SNX24: variants seen among roughly 807,000 people sequenced by gnomAD.
SNX24 encodes the protein sorting nexin 24, also known as sorting nexin-24.
In SNX24, 22 loss-of-function variants were observed where a neutral mutation model predicts 28.7. The observed-to-expected ratio is 0.77, with a 90% CI of 0.55 to 1.10. The LOEUF (loss-of-function observed/expected upper bound fraction) is 1.10, where lower values mean the gene tolerates loss of function less well. Ranked by LOEUF, SNX24 falls within the 50% of genes least tolerant of loss-of-function variation. SNX24 has a pLI of 0.00. For missense variants in SNX24, 221 were observed against 201.1 expected (o/e 1.10, Z -0.60); for synonymous variants, 69 against 71.5 (o/e 0.96, Z 0.18).
chr5:123,005,594 TA>T (rs1762396153), intron 6 of SNX24, among the ~76,000 whole-genome samples: 1 of 152,242 alleles, frequency 6.6e-6, no homozygotes, highest in Non-Finnish European at 1.5e-5. Context: ...TTAAGCTAAA[TA>T]TACTTACAAT....
At chr5:122,846,509 G>T (rs1388220503) in intron 1 of SNX24, among the ~76,000 whole-genome samples, 2 of 152,198 alleles carry the variant, frequency 1.3e-5, no homozygotes, top group South Asian at 4.1e-4. Flanking sequence ...AAGAAAGATT[G>T]CAGGGCAGTC....
chr5:122,887,939 T>A (rs1756787830), intron 1 of SNX24, among the ~76,000 whole-genome samples: 1 of 152,198 alleles, frequency 6.6e-6, no homozygotes, highest in South Asian at 2.1e-4. Context: ...TGACCTCAGG[T>A]GATCCACTGG....
chr5:122,859,258 C>T (rs1755342927), intron 1 of SNX24, among the ~76,000 whole-genome samples: 1 of 151,738 alleles, frequency 6.6e-6, no homozygotes, highest in South Asian at 2.1e-4. Context: ...CAGACTTGAG[C>T]CCAGGAGTTG....
At chr5:122,991,490 C>T (rs541428421) in intron 3 of SNX24, among the ~76,000 whole-genome samples, 10 of 152,258 alleles carry the variant, frequency 6.6e-5, no homozygotes, top group South Asian at 2.1e-4. Context: ...GACAGAGTCT[C>T]GCTCTGTCGC....
At chr5:122,938,209 G>T (rs375712267) in intron 2 of SNX24, among the ~76,000 whole-genome samples, 1 of 152,124 alleles carries the variant, frequency 6.6e-6, no homozygotes, top group East Asian at 1.9e-4. Context: ...TTCTGGAGGC[G>T]AGGCTTGTTC....
At chr5:122,852,998 T>G (rs930128994) in intron 1 of SNX24, among the ~76,000 whole-genome samples, 3 of 152,048 alleles carry the variant, frequency 2.0e-5, no homozygotes, top group African/African-American at 4.8e-5. Flanking sequence ...AGGAGGCCAT[T>G]GTGTAACAAG....
intron 3 of SNX24, among the ~76,000 whole-genome samples, chr5:122,962,382 A>G (rs1039590582): frequency 2.0e-5 from 3 of 152,246 alleles, no homozygotes; most frequent in African/African-American, 7.2e-5. Flanking sequence ...AAAATATGGT[A>G]TATACTTTAA....
At chr5:122,979,522 C>T (rs1051223226) in intron 3 of SNX24, among the ~76,000 whole-genome samples, 2 of 152,082 alleles carry the variant, frequency 1.3e-5, no homozygotes, top group Non-Finnish European at 2.9e-5. Flanking sequence ...ACCGTGCATA[C>T]CTACTTAAAT....
chr5:122,951,795 G>T (rs973267775), intron 3 of SNX24, among the ~76,000 whole-genome samples: 4 of 152,210 alleles, frequency 2.6e-5, no homozygotes, highest in African/African-American at 9.7e-5. Flanking sequence ...CAGTCCTGTG[G>T]GTCTGTTGTG....
intron 1 of SNX24, among the ~76,000 whole-genome samples, chr5:122,913,279 A>C: frequency 6.6e-6 from 1 of 151,968 alleles, no homozygotes; most frequent in Non-Finnish European, 1.5e-5. Context: ...CTCACTTCCC[A>C]GTAGGGGCGG....
Position 122,963,279 on chromosome 5 carries a change from GT to G in SNX24, c.249+17123del, listed in dbSNP as rs1242163419. 1.1e-3 allele frequency among the ~76,000 whole-genome samples: 170 copies of G among 152,284 alleles called. 2 individuals are homozygous for G. The highest frequency in any genetic ancestry group is 1.6e-4 in the Non-Finnish European group (11 of 68,026). ...ATTCTCCTCTAGAGCTGGCCATGCTGTTTGGCGGCTCACAGCTGCATGCTGC... is the reference window on the plus strand; with the variant it reads ...ATTCTCCTCTAGAGCTGGCCATGCTGTTGGCGGCTCACAGCTGCATGCTGC... On this transcript the variant is annotated intron_variant, in intron 3 of 6. Transcript: ENST00000261369.
At chr5:122,904,796 T>C (rs1050663706) in intron 1 of SNX24, among the ~76,000 whole-genome samples, 1 of 152,202 alleles carries the variant, frequency 6.6e-6, no homozygotes, top group African/African-American at 2.4e-5. Context: ...CTGAGATTAA[T>C]TGTTCTTTTG....
chr5:122,900,366 C>T (rs1011905993), intron 1 of SNX24, among the ~76,000 whole-genome samples: 3 of 152,100 alleles, frequency 2.0e-5, no homozygotes, highest in South Asian at 2.1e-4. Flanking sequence ...ACTATTAAAA[C>T]GTTTTTTTTA....
intron 1 of SNX24, among the ~76,000 whole-genome samples, chr5:122,883,514 G>A (rs919933841): frequency 3.3e-5 from 5 of 151,946 alleles, no homozygotes; most frequent in Admixed American, 1.3e-4. Context: ...TTTAGTGATG[G>A]TTAGCTTTTG....
chr5:123,003,348 G>A (rs1304486207), intron 6 of SNX24, among the ~76,000 whole-genome samples: 2 of 152,142 alleles, frequency 1.3e-5, no homozygotes, highest in African/African-American at 2.4e-5. Context: ...CTTTCTCTCT[G>A]TAACGTTTGC....
At chr5:122,879,975 G>A (rs2150059634) in intron 1 of SNX24, among the ~76,000 whole-genome samples, 1 of 152,340 alleles carries the variant, frequency 6.6e-6, no homozygotes, top group African/African-American at 2.4e-5. Context: ...GGTACTTTGA[G>A]TCAGTGTTAA....
At chr5:122,959,933 G>A (rs1192362364) in intron 3 of SNX24, among the ~76,000 whole-genome samples, 1 of 152,204 alleles carries the variant, frequency 6.6e-6, no homozygotes, top group Non-Finnish European at 1.5e-5. Flanking sequence ...CTGAATGATA[G>A]AGTCTCTGTG....
At chr5:122,959,216 T>A (rs1760363087) in intron 3 of SNX24, among the ~76,000 whole-genome samples, 2 of 152,014 alleles carry the variant, frequency 1.3e-5, no homozygotes, top group African/African-American at 4.8e-5. Flanking sequence ...TTAGTCTTGG[T>A]ATATTTTGTG....
At chr5:122,853,224 T>G (rs1755013114) in intron 1 of SNX24, among the ~76,000 whole-genome samples, 1 of 144,896 alleles carries the variant, frequency 6.9e-6, no homozygotes, top group South Asian at 2.3e-4. Flanking sequence ...CTTCCCAGGT[T>G]CACGCCATTC....
Sources: gnomAD v4.1 joint callset for allele counts (sites outside exome capture counted in the v4.1 genomes callset) on GRCh38, gnomAD v4.1.1 for gene constraint, MANE v1.5 for transcripts, NCBI Gene and HGNC (gene_info 2026-07-23, HGNC 2026-07-21) for gene names.